The following INTS11 variants were observed in gnomAD, a reference collection of about 807,000 sequenced individuals.
INTS11 encodes the protein integrator complex subunit 11.
Under a neutral mutation model 78.6 loss-of-function variants are expected in INTS11, and 77 were observed. That is an observed-to-expected ratio of 0.98 (90% CI 0.81 to 1.18). The LOEUF is 1.18. Ranked by LOEUF, INTS11 falls within the 50% of genes most tolerant of loss-of-function variation. The pLI, the probability that INTS11 is intolerant of heterozygous loss-of-function variation, is 0.00. For synonymous variants in INTS11, 441 were observed against 326.9 expected (o/e 1.35, Z -3.77); for missense variants, 875 against 825.9 (o/e 1.06, Z -0.73).
At chr1:1,319,764 G>A (rs545097021) in intron 3 of INTS11, 15 of 548,620 alleles carry the variant, frequency 2.7e-5, no homozygotes, top group Non-Finnish European at 4.2e-5. Flanking sequence ...ACATGCTCGC[G>A]AGACAATGCA....
Position 1,314,119 on chromosome 1 carries a change from A to G in INTS11, c.767+182T>C. ...AACCAGGAACCCCTACAAGAGCCGC[A>G]CACGGTGGCGCTGACGGGATGTCAC... On this transcript the variant is annotated intron_variant, in intron 8 of 16. Coordinates refer to ENST00000435064, the MANE Select transcript of INTS11 (RefSeq NM_017871.6). This position sits in a 1 kb window ranked among gnomAD's most constrained non-coding sequence, Gnocchi z 4.2. The G allele has an allele frequency of 1.3e-6, 1 of 764,920 alleles. No individual in the cohort carries two copies. Among genetic ancestry groups the G allele is most frequent in the Non-Finnish European group, 2.2e-6 (1 of 459,298 alleles). 47.4% of individuals were successfully genotyped at this position (764,920 alleles called of 1,614,324 possible). A position where few individuals can be genotyped will look rare whatever the true frequency, so the allele number is the denominator to read the frequency against.
Position 1,319,361 on chromosome 1 carries a change from TGAA to T in INTS11, c.361_363del (p.Phe121del). 1 of 1,613,224 alleles carries T rather than the reference TGAA, an allele frequency of 6.2e-7. No individual in the cohort carries two copies. Among genetic ancestry groups the T allele is most frequent in the Non-Finnish European group, 8.5e-7 (1 of 1,179,980 alleles). ...ATGCAGTCTTTGATCATCTGGGAGG[TGAA>T]GAAGTTGGCCTCGCCCTTCTTGTCT... On this transcript the variant is annotated inframe_deletion, in exon 4 of 17. Coordinates refer to ENST00000435064, the MANE Select transcript of INTS11 (RefSeq NM_017871.6).
At position 1,311,618 on chromosome 1, in the gene INTS11, C is replaced by T. The variant is rs916925191; in HGVS notation, c.*241G>A. 5 of 712,710 alleles carry T rather than the reference C, an allele frequency of 7.0e-6. No homozygotes were observed. The highest frequency in any genetic ancestry group is 2.7e-5 in the East Asian group (1 of 37,118). 44.1% of individuals were successfully genotyped at this position (712,710 alleles called of 1,614,324 possible). A position where few individuals can be genotyped will look rare whatever the true frequency, so the allele number is the denominator to read the frequency against. ...CAAGTAGTCTTTTGTTCAGCTTTTA[C>T]TGGAAACTGCTGTCTAGGACCACCT... On this transcript the variant is annotated 3_prime_UTR_variant, in exon 17 of 17. Coordinates refer to ENST00000435064, the MANE Select transcript of INTS11 (RefSeq NM_017871.6).
intron 1 of INTS11, chr1:1,321,897 A>AAACCCC: frequency 7.9e-7 from 1 of 1,258,202 alleles, no homozygotes; most frequent in Non-Finnish European, 1.0e-6. Context: ...TTCCCCTTGA[A>AAACCCC]TCCCACCCAC....
Position 1,324,419 on chromosome 1 carries a change from G to C in INTS11, c.28+162C>G, listed in dbSNP as rs1219471999. Among the ~76,000 whole-genome samples, 4 of 152,166 alleles carry C rather than the reference G, an allele frequency of 2.6e-5. No homozygotes were observed. The East Asian group carries it at 7.7e-4, about 29-fold the overall frequency. ...CCGGAGGCCCGGGGTGCAGGGACTA[G>C]GCCGCCTCTCGGCTCCCACCAGGGC... On this transcript the variant is annotated intron_variant, in intron 1 of 16. Coordinates refer to ENST00000435064, the MANE Select transcript of INTS11 (RefSeq NM_017871.6).
At chr1:1,320,599 A>AT in intron 2 of INTS11, 70 bp from the exon 3 acceptor site, 1 of 1,514,814 alleles carries the variant, frequency 6.6e-7, no homozygotes, top group Non-Finnish European at 9.2e-7. Flanking sequence ...CCCATGCCCC[A>AT]GGGAGGGGCC....
intron 1 of INTS11, among the ~76,000 whole-genome samples, chr1:1,321,464 G>A (rs1377109186): frequency 1.3e-5 from 2 of 152,244 alleles, no homozygotes; most frequent in South Asian, 2.1e-4. Context: ...CCTGGGCTGT[G>A]GCTGGACCCC....
At chr1:1,319,783 G>A (rs746306063) in intron 3 of INTS11, 2 of 515,096 alleles carry the variant, frequency 3.9e-6, no homozygotes, top group Non-Finnish European at 7.0e-6. Context: ...CAAAGCTGCT[G>A]AGGGAACCGC....
In INTS11 at chr1:1,314,336, G is replaced by A. The variant is rs565251605; in HGVS notation, c.732C>T (p.Arg244=). 1.6e-5 allele frequency: 26 copies of A among 1,607,248 alleles called. No homozygotes were observed. The highest frequency in any genetic ancestry group is 6.7e-5 in the East Asian group (3 of 44,568). Residue 244 remains arginine, a synonymous_variant, in exon 8 of 17, where the codon CGC becomes CGT. Coordinates refer to ENST00000435064, the MANE Select transcript of INTS11 (RefSeq NM_017871.6). The surrounding 1 kb of genome is among the most constrained non-coding windows in gnomAD (Gnocchi z 4.2). The part of the protein sequence containing the change: ...KVLIPVFALG[R]AQELCILLET... The stretch of plus-strand genomic sequence containing the variant: ...CCAGGAGGATGCAGAGCTCCTGGGC[G>A]CGGCCCAGCGCGAACACAGGTATCA...
intron 6 of INTS11, 125 bp from the exon 7 acceptor site, chr1:1,315,087 G>A (rs1039634189): frequency 4.9e-6 from 6 of 1,235,246 alleles, no homozygotes; most frequent in African/African-American, 1.5e-5. Flanking sequence ...GCTGGAAAGA[G>A]CCAGCTGGTA....
chr1:1,318,036 T>G (rs1642721699), intron 4 of INTS11: 1 of 152,032 alleles, frequency 6.6e-6, no homozygotes, highest in Non-Finnish European at 1.5e-5. Flanking sequence ...CCAGCTAATT[T>G]TTTTGTATTT....
At chr1:1,322,947 C>T in intron 1 of INTS11, 2 of 1,354,354 alleles carry the variant, frequency 1.5e-6, no homozygotes, top group Non-Finnish European at 9.5e-7. Flanking sequence ...GTAATTGAAG[C>T]CACATGAAAG....
At chr1:1,313,337 G>A in intron 10 of INTS11, 172 bp downstream of exon 10, 1 of 893,382 alleles carries the variant, frequency 1.1e-6, no homozygotes. Flanking sequence ...GACAAGCTGT[G>A]TCACAGAGAC....
intron 1 of INTS11, chr1:1,321,898 T>TTG: frequency 7.0e-6 from 8 of 1,141,896 alleles, no homozygotes; most frequent in Admixed American, 3.9e-5. Flanking sequence ...TCCCCTTGAA[T>TTG]CCCACCCACC....
intron 4 of INTS11, chr1:1,316,312 G>C (rs1642605207): frequency 6.5e-6 from 1 of 153,300 alleles, no homozygotes; most frequent in Non-Finnish European, 1.4e-5. Context: ...TACTGGGCTG[G>C]GCACAGTGGC....
chr1:1,313,615 T>TG (rs771977193), intron 9 of INTS11, 23 bp from the exon 10 acceptor site: 13 of 1,612,546 alleles, frequency 8.1e-6, no homozygotes, highest in Middle Eastern at 1.6e-4. Context: ...CAGGGCCAGG[T>TG]GGGGGGTCAG....
Position 1,311,636 on chromosome 1 carries a change from G to A in INTS11, c.*223C>T, listed in dbSNP as rs762194174. The stretch of plus-strand genomic sequence containing the variant: ...GCTTTTACTGGAAACTGCTGTCTAG[G>A]ACCACCTGCCCTAACCAGGAATAAA... On this transcript the variant is annotated 3_prime_UTR_variant, in exon 17 of 17. Transcript: ENST00000435064. 18 of 712,424 alleles carry A rather than the reference G, an allele frequency of 2.5e-5. No individual in the cohort carries two copies. The highest frequency in any genetic ancestry group is 1.6e-4 in the East Asian group (6 of 37,012). The allele number at this position is 712,424 out of a possible 1,614,324, so 44.1% of individuals were successfully genotyped here. A position where few individuals can be genotyped will look rare whatever the true frequency, so the allele number is the denominator to read the frequency against.
Position 1,323,330 on chromosome 1 carries a change from A to T in INTS11, c.28+1251T>A, listed in dbSNP as rs931120595. ...GACATCAGGATGACTGGCCACCAAC[A>T]CCATGTCCCTCCAGCTGTTTCTGAG... On this transcript the variant is annotated intron_variant, in intron 1 of 16. Coordinates refer to ENST00000435064, the MANE Select transcript of INTS11 (RefSeq NM_017871.6). The T allele has an allele frequency of 3.3e-5, 51 of 1,528,044 alleles. 1 individual carries two copies. Among genetic ancestry groups the T allele is most frequent in the Admixed American group, 4.0e-5 (2 of 49,630 alleles). 94.7% of individuals were successfully genotyped at this position (1,528,044 alleles called of 1,614,324 possible).
chr1:1,312,608 G>C lies in INTS11; in HGVS notation c.1387C>G (p.Arg463Gly). The C allele has an allele frequency of 6.4e-7, 1 of 1,574,282 alleles. No homozygotes were observed. The highest frequency in any genetic ancestry group is 1.1e-5 in the South Asian group (1 of 87,050). Residue 463 changes from arginine to glycine, a missense_variant, in exon 13 of 17, where the codon CGG becomes GGG. By Grantham distance (125) the Arg-to-Gly change is moderately radical (BLOSUM62 -2). Coordinates refer to ENST00000435064, the MANE Select transcript of INTS11 (RefSeq NM_017871.6). ...GCCCGCATACCCTGCGCCATCTCCC[G>C]CTTCAGCAGCCCCAGCGAGATGCCT... ...PVGISLGLLK[R>G]EMAQGLLPEA...
Sources: gnomAD v4.1 joint callset for allele counts (sites outside exome capture counted in the v4.1 genomes callset) on GRCh38, gnomAD v4.1.1 for gene constraint, Gnocchi (gnomAD v3.1) non-coding constraint, MANE v1.5 for transcripts, NCBI Gene and HGNC (gene_info 2026-07-23, HGNC 2026-07-21) for gene names.